Variants in RANBP2 observed in about 807,000 individuals in gnomAD.
The protein encoded by RANBP2 is E3 SUMO-protein ligase RanBP2.
RANBP2 carries 57 observed loss-of-function variants against 303.6 expected under a neutral mutation model. The ratio of observed to expected loss-of-function variants is 0.19; its 90% CI spans 0.15 to 0.23. The LOEUF is 0.23. Ranked by LOEUF, RANBP2 falls within the 10% of genes least tolerant of loss-of-function variation. RANBP2 has a pLI of 1.00. For missense variants in RANBP2, 3,138 were observed against 3,780.8 expected, an observed-to-expected ratio of 0.83 and a Z score of 4.46; for synonymous variants, 1,167 against 1,301.5, an observed-to-expected ratio of 0.90 and a Z score of 2.23.
At chr2:108,738,967 A>G (rs1460979228) in intron 6 of RANBP2, among the ~76,000 whole-genome samples, 2 of 152,174 alleles carry the variant, frequency 1.3e-5, no homozygotes, top group Admixed American at 1.3e-4. Context: ...TTATTTTTCA[A>G]CAGCAAAAAA....
the RANBP2 span, among the ~76,000 whole-genome samples, chr2:109,553,546 A>G: frequency 7.6e-5 from 11 of 144,950 alleles, no homozygotes; most frequent in Admixed American, 6.9e-4. Context: ...TCTGTCTCCA[A>G]AAAAAAAAAA....
chr2:109,126,209 G>A, the RANBP2 span, among the ~76,000 whole-genome samples: 4 of 152,090 alleles, frequency 2.6e-5, no homozygotes, highest in Admixed American at 2.6e-4. Context: ...TGGACATCTG[G>A]GTGCATAGTC....
the RANBP2 span, among the ~76,000 whole-genome samples, chr2:109,683,731 C>T: frequency 6.6e-6 from 1 of 152,108 alleles, no homozygotes; most frequent in Admixed American, 6.5e-5. Context: ...AACCTCCTGC[C>T]CAGGCCCGGC....
the RANBP2 span, among the ~76,000 whole-genome samples, chr2:109,227,976 G>A: frequency 7.2e-5 from 11 of 152,312 alleles, no homozygotes; most frequent in African/African-American, 2.6e-4. Context: ...AAGGGGCATG[G>A]GATTTACATT....
the RANBP2 span, among the ~76,000 whole-genome samples, chr2:109,403,606 C>T: frequency 2.6e-5 from 4 of 152,248 alleles, no homozygotes; most frequent in African/African-American, 9.6e-5. Flanking sequence ...CAGCAGGTCC[C>T]TGCGGTGCTC....
the RANBP2 span, among the ~76,000 whole-genome samples, chr2:109,008,729 C>T: frequency 0.06 from 9,077 of 151,190 alleles, 466 homozygotes; most frequent in African/African-American, 0.14. Context: ...AGTGAAACCC[C>T]GTCTTTACTA....
At chr2:108,788,217 G>A, downstream of RANBP2, 1 of 865,984 alleles carries the variant, frequency 1.2e-6, no homozygotes, top group Non-Finnish European at 1.7e-6. Context: ...TCAGGAGTTC[G>A]AGACCACTCA....
chr2:109,122,053 C>T, the RANBP2 span, among the ~76,000 whole-genome samples: 3 of 152,204 alleles, frequency 2.0e-5, no homozygotes, highest in African/African-American at 7.2e-5. Flanking sequence ...TTCAAGAAAG[C>T]GAGACAAAGC....
the RANBP2 span, among the ~76,000 whole-genome samples, chr2:109,525,153 T>G: frequency 6.6e-6 from 1 of 151,882 alleles, no homozygotes; most frequent in South Asian, 2.1e-4. Context: ...GTTTTTGTTT[T>G]TGTTTTTTGT....
the RANBP2 span, among the ~76,000 whole-genome samples, chr2:109,633,601 A>G: frequency 6.6e-6 from 1 of 152,102 alleles, no homozygotes; most frequent in Non-Finnish European, 1.5e-5. Flanking sequence ...AGGACCTGCC[A>G]TTGCAGAAGG....
At chr2:108,821,152 G>A in the RANBP2 span, among the ~76,000 whole-genome samples, 1 of 152,184 alleles carries the variant, frequency 6.6e-6, no homozygotes, top group African/African-American at 2.4e-5. Flanking sequence ...GAGGTCAGGA[G>A]TTTGAGACCA....
chr2:109,713,250 C>T, the RANBP2 span, among the ~76,000 whole-genome samples: 1 of 152,166 alleles, frequency 6.6e-6, no homozygotes, highest in Non-Finnish European at 1.5e-5. Flanking sequence ...AGTTACGAAT[C>T]TCCAGGACAG....
chr2:108,909,627 C>T, the RANBP2 span, among the ~76,000 whole-genome samples: 11 of 152,298 alleles, frequency 7.2e-5, no homozygotes, highest in South Asian at 1.7e-3. Context: ...CAGGGGGGTC[C>T]GAGCACATTG....
the RANBP2 span, among the ~76,000 whole-genome samples, chr2:108,919,777 G>A: frequency 6.6e-6 from 1 of 151,960 alleles, no homozygotes; most frequent in South Asian, 2.1e-4. Flanking sequence ...GGCTCCGTGG[G>A]GCACCTGCCC....
chr2:109,490,065 T>A, the RANBP2 span, among the ~76,000 whole-genome samples: 1 of 152,170 alleles, frequency 6.6e-6, no homozygotes, highest in Non-Finnish European at 1.5e-5. Context: ...TTAGCTTTGT[T>A]TTCCTCCTCT....
At chr2:109,395,077 A>G in the RANBP2 span, among the ~76,000 whole-genome samples, 1 of 152,216 alleles carries the variant, frequency 6.6e-6, no homozygotes, top group Non-Finnish European at 1.5e-5. Context: ...TTGTGAAGAC[A>G]ATGAAAACTT....
chr2:108,947,473 T>G, the RANBP2 span, among the ~76,000 whole-genome samples: 3 of 152,172 alleles, frequency 2.0e-5, no homozygotes, highest in East Asian at 5.8e-4. Flanking sequence ...TGGTAGAGGT[T>G]CTCCATGAGG....
the RANBP2 span, among the ~76,000 whole-genome samples, chr2:109,244,042 G>A: frequency 1.3e-5 from 2 of 152,298 alleles, no homozygotes; most frequent in South Asian, 2.1e-4. Flanking sequence ...AGTGAGATGG[G>A]TAATTGTAGC....
chr2:108,836,304 A>G, the RANBP2 span, among the ~76,000 whole-genome samples: 1 of 152,168 alleles, frequency 6.6e-6, no homozygotes, highest in Non-Finnish European at 1.5e-5. Flanking sequence ...TAATATCCAT[A>G]AGGTTCGTCC....
Sources: allele counts gnomAD v4.1 joint callset (sites outside exome capture counted in the v4.1 genomes callset), GRCh38; gene constraint gnomAD v4.1.1; transcripts MANE v1.5; gene names NCBI Gene and HGNC (gene_info 2026-07-23, HGNC 2026-07-21).